Variants in ASTN1 observed in about 807,000 individuals in gnomAD.
ASTN1 encodes the protein astrotactin-1.
ASTN1 carries 41 observed loss-of-function variants against 140.7 expected under a neutral mutation model. The observed-to-expected ratio is 0.29, with a 90% CI of 0.23 to 0.38. ASTN1 has a LOEUF of 0.38. Among genes scored for constraint, ASTN1 ranks in the 10% least tolerant of loss-of-function variants. ASTN1 has a pLI of 1.00. For synonymous variants in ASTN1, 640 were observed against 652.2 expected (o/e 0.98, Z 0.29); for missense variants, 1,479 against 1,678.8 (o/e 0.88, Z 2.08).
chr1:176,877,549 G>A (rs1421160096), intron 20 of ASTN1, among the ~76,000 whole-genome samples: 1 of 152,196 alleles, frequency 6.6e-6, no homozygotes, highest in Non-Finnish European at 1.5e-5. Flanking sequence ...GGCTATTAAA[G>A]GCTGAAAGTA....
At chr1:176,867,324 G>T (rs1386413668) in intron 22 of ASTN1, among the ~76,000 whole-genome samples, 3 of 152,160 alleles carry the variant, frequency 2.0e-5, no homozygotes, top group Admixed American at 1.3e-4. Flanking sequence ...AAGAAGAGGG[G>T]AGAGGGGAGC....
chr1:176,922,494 C>T (rs1670771574), intron 16 of ASTN1, among the ~76,000 whole-genome samples: 1 of 145,726 alleles, frequency 6.9e-6, no homozygotes, highest in Non-Finnish European at 1.5e-5. Context: ...GAGTTTGAGG[C>T]CAGCCTGGGA....
At chr1:177,031,297 A>C (rs1676430013) in intron 3 of ASTN1, among the ~76,000 whole-genome samples, 1 of 152,216 alleles carries the variant, frequency 6.6e-6, no homozygotes, top group African/African-American at 2.4e-5. Flanking sequence ...ACAGAGTTTT[A>C]AAAGAATTTG....
Position 177,033,574 on chromosome 1 carries a change from A to G in ASTN1, c.472-725T>C, listed in dbSNP as rs867086566. On this transcript the variant is annotated intron_variant, in intron 2 of 22. Transcript: ENST00000361833. Reference sequence around the variant, plus strand: ...AGAAATTTACATCCATCAGGAATTTACCACCAAGTGTGGGGAGGAATCTCA... The same window carrying G: ...AGAAATTTACATCCATCAGGAATTTGCCACCAAGTGTGGGGAGGAATCTCA... 2.0e-5 allele frequency among the ~76,000 whole-genome samples: 3 copies of G among 152,250 alleles called. No homozygotes were observed. The South Asian group carries it at 6.2e-4, about 32-fold the overall frequency.
chr1:177,019,793 C>T (rs1675729325), intron 7 of ASTN1, among the ~76,000 whole-genome samples: 1 of 152,222 alleles, frequency 6.6e-6, no homozygotes, highest in South Asian at 2.1e-4. Context: ...ATTCCTGATA[C>T]ATCTTTGAAA....
intron 1 of ASTN1, among the ~76,000 whole-genome samples, chr1:177,117,849 A>ATG (rs1681175061): frequency 6.6e-6 from 1 of 152,158 alleles, no homozygotes; most frequent in Non-Finnish European, 1.5e-5. Context: ...TTCTATGTAA[A>ATG]TGTTACTTCC....
chr1:177,109,142 C>T (rs1680692146), intron 1 of ASTN1, among the ~76,000 whole-genome samples: 1 of 152,026 alleles, frequency 6.6e-6, no homozygotes, highest in African/African-American at 2.4e-5. Context: ...TTTGGTAAAA[C>T]TAAGACTGAG....
At chr1:177,098,733 A>G (rs1680164139) in intron 1 of ASTN1, among the ~76,000 whole-genome samples, 1 of 152,192 alleles carries the variant, frequency 6.6e-6, no homozygotes, top group African/African-American at 2.4e-5. Context: ...GTGATAAACT[A>G]ATCCCCATTC....
intron 1 of ASTN1, among the ~76,000 whole-genome samples, chr1:177,159,544 T>C (rs1647230534): frequency 6.6e-6 from 1 of 152,240 alleles, no homozygotes; most frequent in Admixed American, 6.5e-5. Flanking sequence ...ATAAGTAACA[T>C]TATGTCCAAT....
intron 8 of ASTN1, among the ~76,000 whole-genome samples, chr1:176,993,693 T>C (rs1674297677): frequency 6.6e-6 from 1 of 152,188 alleles, no homozygotes; most frequent in South Asian, 2.1e-4. Context: ...TACGCATTAG[T>C]ACTCTGGTAA....
chr1:177,119,585 C>T (rs1431069764), intron 1 of ASTN1, among the ~76,000 whole-genome samples: 1 of 152,140 alleles, frequency 6.6e-6, no homozygotes, highest in East Asian at 1.9e-4. Flanking sequence ...GGTTTCCCTT[C>T]CTTCTCTCCT....
intron 16 of ASTN1, among the ~76,000 whole-genome samples, chr1:176,916,569 C>T (rs779024115): frequency 6.6e-6 from 1 of 152,110 alleles, no homozygotes; most frequent in Admixed American, 6.5e-5. Flanking sequence ...TATGGCTCAA[C>T]ACACCCTCAC....
chr1:176,946,104 T>G lies in ASTN1; in HGVS notation c.2071A>C (p.Lys691Gln), dbSNP rs747578023. 14 of 1,611,374 alleles carry G rather than the reference T, an allele frequency of 8.7e-6. No individual in the cohort carries two copies. In the African/African-American group the frequency reaches 1.5e-4, roughly 17 times the overall value. Reference protein sequence around the residue: ...LMFCGCIEDYKLGVDGRSCQL... With the variant: ...LMFCGCIEDYQLGVDGRSCQL... ...CAAGAGCGTCCATCCACACCAAGCT[T>G]GTAGTCCTCGATGCACCTAGCACAG... The change falls in exon 13 of 23, where the codon AAG (lysine) becomes CAG (glutamine). Residue 691 changes from lysine to glutamine, a missense_variant. Transcript: ENST00000361833.
chr1:176,965,083 C>A (rs1479591848), intron 9 of ASTN1, 80 bp downstream of exon 9: 21 of 1,353,390 alleles, frequency 1.6e-5, no homozygotes, highest in Non-Finnish European at 5.3e-6. Context: ...TATACTTTAC[C>A]AACTAGGAAA....
intron 1 of ASTN1, among the ~76,000 whole-genome samples, chr1:177,125,700 A>G (rs1030739313): frequency 5.3e-5 from 8 of 152,328 alleles, no homozygotes; most frequent in South Asian, 4.1e-4. Context: ...CACGAAGGAC[A>G]TTACTGTATT....
intron 5 of ASTN1, among the ~76,000 whole-genome samples, chr1:177,026,615 A>G (rs555154312): frequency 2.0e-5 from 3 of 152,108 alleles, no homozygotes; most frequent in Non-Finnish European, 4.4e-5. Context: ...GTACCAATTT[A>G]CATTCCCACC....
chr1:176,957,957 T>C (rs12076044), intron 10 of ASTN1, 129 bp from the exon 11 acceptor site: 20 of 1,189,350 alleles, frequency 1.7e-5, no homozygotes, highest in African/African-American at 4.7e-5. Context: ...AAATTGAAGA[T>C]CAACTATACT....
At chr1:177,009,456 C>A (rs1208335104) in intron 8 of ASTN1, among the ~76,000 whole-genome samples, 2 of 152,186 alleles carry the variant, frequency 1.3e-5, no homozygotes, top group African/African-American at 4.8e-5. Context: ...TGAACACAGT[C>A]CTCATTCTTG....
At chr1:176,891,360 A>G (rs1669258426) in intron 17 of ASTN1, among the ~76,000 whole-genome samples, 1 of 152,238 alleles carries the variant, frequency 6.6e-6, no homozygotes, top group Admixed American at 6.5e-5. Flanking sequence ...CTATTCATTC[A>G]TTTATTTAGC....
Sources: gnomAD v4.1 joint callset for allele counts (sites outside exome capture counted in the v4.1 genomes callset) on GRCh38, gnomAD v4.1.1 for gene constraint, MANE v1.5 for transcripts, NCBI Gene and HGNC (gene_info 2026-07-23, HGNC 2026-07-21) for gene names.